The following KCNIP1 variants were observed in gnomAD, a reference collection of about 807,000 sequenced individuals.
The protein encoded by KCNIP1 is A-type potassium channel modulatory protein KCNIP1.
A neutral mutation model predicts 33.0 loss-of-function variants in KCNIP1; 18 were observed. The ratio of observed to expected loss-of-function variants is 0.55; its 90% CI spans 0.38 to 0.81. The LOEUF is 0.81. Among genes scored for constraint, KCNIP1 ranks in the 30% least tolerant of loss-of-function variants. The pLI is 0.00. For missense variants in KCNIP1, 238 were observed against 271.6 expected, an observed-to-expected ratio of 0.88 and a Z score of 0.87; for synonymous variants, 93 against 98.3, an observed-to-expected ratio of 0.95 and a Z score of 0.32.
chr5:170,632,052 T>C (rs1760069470), intron 1 of KCNIP1, among the ~76,000 whole-genome samples: 1 of 152,154 alleles, frequency 6.6e-6, no homozygotes, highest in Non-Finnish European at 1.5e-5. Context: ...GCCGCTCAGC[T>C]CTGAGTCCTC....
intron 1 of KCNIP1, among the ~76,000 whole-genome samples, chr5:170,403,128 G>T (rs1430890216): frequency 2.0e-5 from 3 of 152,254 alleles, no homozygotes; most frequent in Admixed American, 6.5e-5. Context: ...TCTCTCATTT[G>T]TCCCTTTGGA....
chr5:170,420,830 C>G (rs973047013), intron 1 of KCNIP1, among the ~76,000 whole-genome samples: 3 of 152,170 alleles, frequency 2.0e-5, no homozygotes, highest in African/African-American at 7.2e-5. Flanking sequence ...AACCCCACTT[C>G]TTTGTATTCA....
At chr5:170,671,593 A>G (rs1561754891) in intron 1 of KCNIP1, among the ~76,000 whole-genome samples, 1 of 152,144 alleles carries the variant, frequency 6.6e-6, no homozygotes, top group Non-Finnish European at 1.5e-5. Flanking sequence ...TATATGATAT[A>G]CTTATGCTAT....
At chr5:170,583,207 T>A (rs1308635687) in intron 1 of KCNIP1, among the ~76,000 whole-genome samples, 3 of 152,318 alleles carry the variant, frequency 2.0e-5, no homozygotes, top group South Asian at 4.1e-4. Context: ...TCACTTGCAT[T>A]CTTGTCTCCA....
chr5:170,608,282 G>A (rs1394349554), intron 1 of KCNIP1, among the ~76,000 whole-genome samples: 2 of 152,220 alleles, frequency 1.3e-5, no homozygotes, highest in East Asian at 3.9e-4. Context: ...CAGTTAAAGG[G>A]GAACAGGCTC....
chr5:170,546,613 G>C (rs1756417130), intron 1 of KCNIP1, among the ~76,000 whole-genome samples: 1 of 152,092 alleles, frequency 6.6e-6, no homozygotes, highest in Non-Finnish European at 1.5e-5. Context: ...AGCCTACAGA[G>C]GACCCACTTT....
At chr5:170,580,098 C>A (rs1287377336) in intron 1 of KCNIP1, among the ~76,000 whole-genome samples, 2 of 152,044 alleles carry the variant, frequency 1.3e-5, no homozygotes, top group South Asian at 2.1e-4. Flanking sequence ...GGCTACTGGT[C>A]CCCTGGACGC....
intron 1 of KCNIP1, among the ~76,000 whole-genome samples, chr5:170,367,421 GGAAAGAAA>G (rs879277915): frequency 2.7e-5 from 2 of 74,664 alleles, no homozygotes; most frequent in Non-Finnish European, 2.9e-5. Flanking sequence ...AAGAAAGAAA[GGAAAGAAA>G]GAAAGAAAGG....
At chr5:170,414,289 C>T (rs1581169498) in intron 1 of KCNIP1, among the ~76,000 whole-genome samples, 1 of 152,212 alleles carries the variant, frequency 6.6e-6, no homozygotes, top group Admixed American at 6.5e-5. Context: ...TCAAGTTTAA[C>T]GTAAAGCTGC....
intron 1 of KCNIP1, among the ~76,000 whole-genome samples, chr5:170,450,309 CA>C (rs768291706): frequency 6.6e-6 from 1 of 152,086 alleles, no homozygotes; most frequent in Non-Finnish European, 1.5e-5. Flanking sequence ...TGCAGCCAGG[CA>C]AAAAATCTGT....
At chr5:170,514,261 C>T (rs1440852853) in intron 1 of KCNIP1, among the ~76,000 whole-genome samples, 1 of 152,214 alleles carries the variant, frequency 6.6e-6, no homozygotes, top group Non-Finnish European at 1.5e-5. Flanking sequence ...TCCCAGCTGC[C>T]TGGGGGAAGC....
chr5:170,683,257 A>G (rs1279874070), intron 1 of KCNIP1, among the ~76,000 whole-genome samples: 1 of 152,222 alleles, frequency 6.6e-6, no homozygotes, highest in East Asian at 1.9e-4. Flanking sequence ...AAACCTCAAA[A>G]TAATGCTCTA....
chr5:170,654,256 C>T (rs1368123168), intron 1 of KCNIP1, among the ~76,000 whole-genome samples: 1 of 152,194 alleles, frequency 6.6e-6, no homozygotes, highest in African/African-American at 2.4e-5. Flanking sequence ...CACCCGTTTT[C>T]CACATATTGA....
chr5:170,627,294 C>G (rs1352222260), intron 1 of KCNIP1, among the ~76,000 whole-genome samples: 1 of 152,212 alleles, frequency 6.6e-6, no homozygotes. Flanking sequence ...AATAATGTAC[C>G]TGGTAACTGA....
At chr5:170,590,531 T>C (rs1297276099) in intron 1 of KCNIP1, among the ~76,000 whole-genome samples, 1 of 152,102 alleles carries the variant, frequency 6.6e-6, no homozygotes, top group African/African-American at 2.4e-5. Flanking sequence ...ATGGTCAGTG[T>C]TGGGGCAGGC....
chr5:170,673,389 C>A (rs893504554), intron 1 of KCNIP1, among the ~76,000 whole-genome samples: 2 of 152,236 alleles, frequency 1.3e-5, no homozygotes, highest in Non-Finnish European at 2.9e-5. Flanking sequence ...ACGACCATGA[C>A]AGCTAATATT....
intron 1 of KCNIP1, among the ~76,000 whole-genome samples, chr5:170,554,285 G>A (rs1340720383): frequency 6.6e-6 from 1 of 152,216 alleles, no homozygotes; most frequent in Non-Finnish European, 1.5e-5. Context: ...TGAAGACTAA[G>A]AAGAATGAGA....
At chr5:170,456,833 C>T (rs1756392609) in intron 1 of KCNIP1, among the ~76,000 whole-genome samples, 1 of 151,988 alleles carries the variant, frequency 6.6e-6, no homozygotes, top group Non-Finnish European at 1.5e-5. Context: ...ATCCTCCTAC[C>T]TCAGACTCTC....
chr5:170,461,963 T>G (rs1756511647), intron 1 of KCNIP1, among the ~76,000 whole-genome samples: 1 of 151,958 alleles, frequency 6.6e-6, no homozygotes, highest in African/African-American at 2.4e-5. Context: ...AAAAATCAAC[T>G]CAAGATGGAT....
Sources: gnomAD v4.1 joint callset for allele counts (sites outside exome capture counted in the v4.1 genomes callset) on GRCh38, gnomAD v4.1.1 for gene constraint, MANE v1.5 for transcripts, NCBI Gene and HGNC (gene_info 2026-07-23, HGNC 2026-07-21) for gene names.